Variants in RXFP1 observed in about 807,000 individuals in gnomAD.
RXFP1 encodes the protein relaxin family peptide receptor 1.
Under a neutral mutation model 89.8 loss-of-function variants are expected in RXFP1, and 73 were observed. The ratio of observed to expected loss-of-function variants is 0.81; its 90% CI spans 0.67 to 0.99. The LOEUF is 0.99. Among genes scored for constraint, RXFP1 ranks in the 50% least tolerant of loss-of-function variants. RXFP1 has a pLI of 0.00. For synonymous variants in RXFP1, 277 were observed against 305.5 expected, an observed-to-expected ratio of 0.91 and a Z score of 0.97; for missense variants, 793 against 895.5, an observed-to-expected ratio of 0.89 and a Z score of 1.46.
intron 11 of RXFP1, among the ~76,000 whole-genome samples, chr4:158,629,117 C>G (rs1208871691): frequency 1.3e-5 from 2 of 151,672 alleles, no homozygotes; most frequent in African/African-American, 4.9e-5. Flanking sequence ...GTGGCATGAC[C>G]TCGGCTCACT....
chr4:158,607,186 A>G lies in RXFP1; in HGVS notation c.465-786A>G, dbSNP rs184870932. On this transcript the variant is annotated intron_variant, in intron 5 of 17. Coordinates refer to ENST00000307765, the MANE Select transcript of RXFP1 (RefSeq NM_021634.4). The stretch of plus-strand genomic sequence containing the variant: ...TGTGGGTGCAATGATGCAATAGCGT[A>G]TACTCTGGTACCCATTTCCTTTGAC... 127 of 1,239,638 alleles carry G rather than the reference A, an allele frequency of 1.0e-4. No homozygotes were observed. The African/African-American group carries it at 1.7e-3, about 17-fold the overall frequency. The allele number at this position is 1,239,638 out of a possible 1,614,324, so 76.8% of individuals were successfully genotyped here. A position where few individuals can be genotyped will look rare whatever the true frequency, so the allele number is the denominator to read the frequency against.
intron 1 of RXFP1, among the ~76,000 whole-genome samples, chr4:158,561,358 C>T (rs541422082): frequency 6.6e-6 from 1 of 152,282 alleles, no homozygotes; most frequent in East Asian, 1.9e-4. Context: ...CACACCTGAC[C>T]TAATGTAATT....
intron 1 of RXFP1, among the ~76,000 whole-genome samples, chr4:158,568,081 A>G (rs1429042718): frequency 6.6e-6 from 1 of 152,168 alleles, no homozygotes. Flanking sequence ...CACTGCCTTT[A>G]TGAGCTGTAA....
intron 1 of RXFP1, among the ~76,000 whole-genome samples, chr4:158,548,461 A>G (rs1284131700): frequency 1.3e-5 from 2 of 152,106 alleles, no homozygotes; most frequent in African/African-American, 4.8e-5. Context: ...TTTAAAGTTA[A>G]TATTGTTATG....
chr4:158,612,931 A>G (rs1014153023), intron 8 of RXFP1, among the ~76,000 whole-genome samples: 12 of 152,200 alleles, frequency 7.9e-5, no homozygotes, highest in African/African-American at 2.4e-4. Context: ...TCTTAAGCAC[A>G]TCGTTACTGT....
intron 1 of RXFP1, among the ~76,000 whole-genome samples, chr4:158,553,966 C>T (rs908524404): frequency 3.9e-5 from 6 of 152,086 alleles, no homozygotes; most frequent in Non-Finnish European, 5.9e-5. Context: ...TCCTGGGCAC[C>T]GCTGACATTT....
At chr4:158,571,263 A>C (rs1037449177) in intron 1 of RXFP1, among the ~76,000 whole-genome samples, 4 of 152,204 alleles carry the variant, frequency 2.6e-5, no homozygotes, top group Non-Finnish European at 5.9e-5. Context: ...ACACTTAGCA[A>C]CTATCCAATA....
At chr4:158,523,869 T>A (rs1741786114) in intron 1 of RXFP1, among the ~76,000 whole-genome samples, 1 of 152,208 alleles carries the variant, frequency 6.6e-6, no homozygotes, top group African/African-American at 2.4e-5. Context: ...CCTCTGTAAA[T>A]GCCCCATGGT....
At chr4:158,537,834 G>A (rs1745635703) in intron 1 of RXFP1, among the ~76,000 whole-genome samples, 1 of 152,212 alleles carries the variant, frequency 6.6e-6, no homozygotes, top group African/African-American at 2.4e-5. Flanking sequence ...GAAGGAAAAT[G>A]TAGTGGAATA....
In RXFP1 at chr4:158,644,209, G is replaced by A. The variant is rs2150252162; in HGVS notation, c.1116-700G>A. On this transcript the variant is annotated intron_variant, in intron 14 of 17. Coordinates refer to ENST00000307765, the MANE Select transcript of RXFP1 (RefSeq NM_021634.4). ...CTACAGGAGCCCGCCACCACGCCTG[G>A]CTAATTTTTTGTATTTTTAGTAGAG... 5.9e-5 allele frequency among the ~76,000 whole-genome samples: 9 copies of A among 151,934 alleles called. 1 individual carries two copies. In the South Asian group the frequency reaches 1.9e-3, roughly 32 times the overall value.
chr4:158,551,664 G>C (rs1179445076), intron 1 of RXFP1, among the ~76,000 whole-genome samples: 1 of 152,140 alleles, frequency 6.6e-6, no homozygotes, highest in Non-Finnish European at 1.5e-5. Flanking sequence ...ATATAGGCTG[G>C]GCACTGTGGC....
At chr4:158,559,503 C>T (rs890657660) in intron 1 of RXFP1, among the ~76,000 whole-genome samples, 3 of 152,150 alleles carry the variant, frequency 2.0e-5, no homozygotes, top group Non-Finnish European at 4.4e-5. Context: ...GACCCCCCTG[C>T]CCCGCTGCAT....
chr4:158,645,837 T>C (rs1338823916), intron 15 of RXFP1, among the ~76,000 whole-genome samples: 1 of 152,138 alleles, frequency 6.6e-6, no homozygotes, highest in Non-Finnish European at 1.5e-5. Context: ...GCTGTCCCCA[T>C]CCTTATTCAA....
intron 11 of RXFP1, among the ~76,000 whole-genome samples, chr4:158,630,297 C>A (rs925266110): frequency 2.0e-5 from 3 of 152,072 alleles, no homozygotes; most frequent in Admixed American, 6.6e-5. Context: ...ACAAATAGAC[C>A]CAACCATCTG....
intron 2 of RXFP1, among the ~76,000 whole-genome samples, chr4:158,579,951 C>T (rs1757011434): frequency 6.6e-6 from 1 of 152,088 alleles, no homozygotes; most frequent in African/African-American, 2.4e-5. Context: ...GGCTCAGAAA[C>T]ACAAAAGTTT....
At chr4:158,552,619 G>T (rs1055154635) in intron 1 of RXFP1, among the ~76,000 whole-genome samples, 1 of 152,170 alleles carries the variant, frequency 6.6e-6, no homozygotes, top group Admixed American at 6.5e-5. Flanking sequence ...GCCACAGCAG[G>T]TTCAAGTTAC....
At chr4:158,521,879 G>T, upstream of RXFP1, 1 of 699,110 alleles carries the variant, frequency 1.4e-6, no homozygotes. Flanking sequence ...TAAGATTGCA[G>T]ACAGAAATAG....
chr4:158,637,662 T>TA (rs1482033506), intron 12 of RXFP1, among the ~76,000 whole-genome samples: 1 of 152,180 alleles, frequency 6.6e-6, no homozygotes, highest in African/African-American at 2.4e-5. Context: ...GATTTGCAAA[T>TA]ATTGTCCCCC....
At chr4:158,525,527 A>C (rs1332680059) in intron 1 of RXFP1, among the ~76,000 whole-genome samples, 2 of 152,248 alleles carry the variant, frequency 1.3e-5, no homozygotes, top group African/African-American at 4.8e-5. Context: ...TTTCAAGTAC[A>C]ATTTCACACA....
Sources: gnomAD v4.1 joint callset for allele counts (sites outside exome capture counted in the v4.1 genomes callset) on GRCh38, gnomAD v4.1.1 for gene constraint, MANE v1.5 for transcripts, NCBI Gene and HGNC (gene_info 2026-07-23, HGNC 2026-07-21) for gene names.